Variants in IL2RA observed in about 807,000 individuals in gnomAD.
The protein encoded by IL2RA is interleukin-2 receptor subunit alpha.
In IL2RA, 24 loss-of-function variants were observed where a neutral mutation model predicts 37.8. The ratio of observed to expected loss-of-function variants is 0.63; its 90% CI spans 0.46 to 0.89. The LOEUF is 0.89. Ranked by LOEUF, IL2RA falls within the 40% of genes least tolerant of loss-of-function variation. The pLI, the probability that IL2RA is intolerant of heterozygous loss-of-function variation, is 0.00. For synonymous variants in IL2RA, 125 were observed against 114.6 expected, an observed-to-expected ratio of 1.09 and a Z score of -0.58; for missense variants, 319 against 348.6, an observed-to-expected ratio of 0.92 and a Z score of 0.68.
chr10:6,019,889 G>A lies in IL2RA; in HGVS notation c.636C>T (p.Ser212=). Residue 212 remains serine (S), a synonymous_variant, in exon 5 of 8, where the codon TCC becomes TCT. Transcript: ENST00000379959. ...CCGCACCTGTTGTTGTGACGAGGCA[G>A]GAAGTCTCACTCTCAGGACGGCCTT... ...SPEGRPESET[S]CLVTTTDFQI... The A allele has an allele frequency of 6.2e-7, 1 of 1,614,164 alleles. No homozygotes were observed. The highest frequency in any genetic ancestry group is 8.5e-7 in the Non-Finnish European group (1 of 1,179,988).
chr10:6,059,577 A>G (rs1259183101), intron 1 of IL2RA, among the ~76,000 whole-genome samples: 1 of 152,210 alleles, frequency 6.6e-6, no homozygotes, highest in Non-Finnish European at 1.5e-5. Context: ...CAATATACAG[A>G]CTAAAAATGC....
intron 1 of IL2RA, among the ~76,000 whole-genome samples, chr10:6,031,947 G>A (rs1034743434): frequency 6.6e-6 from 1 of 152,110 alleles, no homozygotes; most frequent in Non-Finnish European, 1.5e-5. Context: ...TGATATTCAG[G>A]CTTTCTATAA....
Position 6,054,531 on chromosome 10 carries a change from G to GCA in IL2RA, c.64+7555_64+7556dup, listed in dbSNP as rs201450448. ...CGAGAATCTGAGACTCATTTGCTTG[G>GCA]CACACACACACAAAACTTCATGTAT... On this transcript the variant is annotated intron_variant, in intron 1 of 7. Coordinates refer to ENST00000379959, the MANE Select transcript of IL2RA (RefSeq NM_000417.3). The surrounding 1 kb of genome is among the most constrained non-coding windows in gnomAD (Gnocchi z 4.5). 7.2e-3 allele frequency among the ~76,000 whole-genome samples: 1,098 copies of GCA among 152,130 alleles called. 11 individuals are homozygous for GCA. Among genetic ancestry groups the GCA allele is most frequent in the Non-Finnish European group, 0.01 (703 of 67,998 alleles).
Position 6,025,729 on chromosome 10 carries a change from G to T in IL2RA, c.256+105C>A. On this transcript the variant is annotated intron_variant, in intron 2 of 7. Transcript: ENST00000379959. This position sits in a 1 kb window ranked among gnomAD's most constrained non-coding sequence, Gnocchi z 4.4. ...CTAAAATTAGTTATCCTGTAGACTG[G>T]ACTGGCCCATTTGTGTCTATAGGGC... 9.5e-7 allele frequency: 1 copy of T among 1,052,784 alleles called. No individual in the cohort carries two copies. The highest frequency in any genetic ancestry group is 1.5e-6 in the Non-Finnish European group (1 of 677,534). 65.2% of individuals were successfully genotyped at this position (1,052,784 alleles called of 1,614,324 possible).
At chr10:6,051,218 C>G (rs917700694) in intron 1 of IL2RA, among the ~76,000 whole-genome samples, 1 of 152,166 alleles carries the variant, frequency 6.6e-6, no homozygotes, top group African/African-American at 2.4e-5. Context: ...GTTGCAGGCT[C>G]TGCCTGGTTT....
At position 6,021,571 on chromosome 10, in the gene IL2RA, C is replaced by T; in HGVS notation, c.490G>A (p.Ala164Thr). ...TGGGTCATTTTGCAGACGCTCTCAG[C>T]AGGACCTCTGTGTAGAGCCCTGTAT... ...QGYRALHRGP[A>T]ESVCKMTHGK... Residue 164 changes from alanine (A) to threonine (T), a missense_variant, in exon 4 of 8, where the codon GCT (alanine) becomes ACT (threonine). By Grantham distance (58) the Ala-to-Thr change is moderately conservative (BLOSUM62 0). Transcript: ENST00000379959. This position sits in a 1 kb window ranked among gnomAD's most constrained non-coding sequence, Gnocchi z 4.9. The T allele has an allele frequency of 1.2e-6, 2 of 1,614,184 alleles. No individual in the cohort carries two copies. The highest frequency in any genetic ancestry group is 1.7e-5 in the Admixed American group (1 of 60,018).
rs1290390565 is a variant in IL2RA, at chr10:6,035,527, A to C, written c.65-9502T>G. Among the ~76,000 whole-genome samples the C allele has an allele frequency of 1.3e-5, 2 of 152,114 alleles. No homozygotes were observed. The highest frequency in any genetic ancestry group is 1.3e-4 in the Admixed American group (2 of 15,284). On this transcript the variant is annotated intron_variant, in intron 1 of 7. Coordinates refer to ENST00000379959, the MANE Select transcript of IL2RA (RefSeq NM_000417.3). The surrounding 1 kb of genome is among the most constrained non-coding windows in gnomAD (Gnocchi z 5.4). ...GCACATGAGGCTCTGAGCAGGCTAT[A>C]TCTCTATTCTGGCAATAAAAGTACT...
Position 6,028,539 on chromosome 10 carries a change from T to C in IL2RA, c.65-2514A>G, listed in dbSNP as rs1408045877. On this transcript the variant is annotated intron_variant, in intron 1 of 7. Coordinates refer to ENST00000379959, the MANE Select transcript of IL2RA (RefSeq NM_000417.3). The surrounding 1 kb of genome is among the most constrained non-coding windows in gnomAD (Gnocchi z 4.1). The stretch of plus-strand genomic sequence containing the variant: ...CAAGAGGATGCGCTAGTCATTTAAC[T>C]GCCTGGCAGAGCAAAATGCATTACC... Among the ~76,000 whole-genome samples, 1 of 152,218 alleles carries C rather than the reference T, an allele frequency of 6.6e-6. No individual in the cohort carries two copies. The highest frequency in any genetic ancestry group is 6.5e-5 in the Admixed American group (1 of 15,274).
intron 1 of IL2RA, among the ~76,000 whole-genome samples, chr10:6,051,004 G>A (rs868780902): frequency 3.9e-5 from 6 of 151,940 alleles, no homozygotes; most frequent in East Asian, 1.9e-4. Flanking sequence ...CCACCTGGGC[G>A]TCAGACAGAT....
At chr10:6,019,171 TCTACCAAC>T (rs1334970489) in intron 6 of IL2RA, among the ~76,000 whole-genome samples, 1 of 150,222 alleles carries the variant, frequency 6.7e-6, no homozygotes, top group Non-Finnish European at 1.5e-5. Context: ...AACCTGCCAA[TCTACCAAC>T]CTACCAACCA....
At chr10:6,026,355 A>C (rs953328950) in intron 1 of IL2RA, among the ~76,000 whole-genome samples, 2 of 152,264 alleles carry the variant, frequency 1.3e-5, no homozygotes, top group African/African-American at 4.8e-5. Context: ...TGAAGAAAGG[A>C]AGAAGCAAAG....
In IL2RA at chr10:6,044,720, A is replaced by G. The variant is rs984690266; in HGVS notation, c.64+17368T>C. Among the ~76,000 whole-genome samples the G allele has an allele frequency of 9.9e-5, 15 of 152,196 alleles. No individual in the cohort carries two copies. The highest frequency in any genetic ancestry group is 3.9e-4 in the Admixed American group (6 of 15,286). On this transcript the variant is annotated intron_variant, in intron 1 of 7. Coordinates refer to ENST00000379959, the MANE Select transcript of IL2RA (RefSeq NM_000417.3). This position sits in a 1 kb window ranked among gnomAD's most constrained non-coding sequence, Gnocchi z 4.5. ...ACAGAGATATAAAATTTATGTATGC[A>G]TGTGACCAGAGGAAAAAATAAGACA...
rs1840053498 is a variant in IL2RA at position 6,056,825 on chromosome 10, C to G, written c.64+5263G>C. On this transcript the variant is annotated intron_variant, in intron 1 of 7. Transcript: ENST00000379959. This position sits in a 1 kb window ranked among gnomAD's most constrained non-coding sequence, Gnocchi z 5.0. ...TAGAGAAGAGAAACAGGTTCCCACTCATGTAAAACTTCTCCCATGGGAGAC... is the reference window on the plus strand; with the variant it reads ...TAGAGAAGAGAAACAGGTTCCCACTGATGTAAAACTTCTCCCATGGGAGAC... Among the ~76,000 whole-genome samples the G allele has an allele frequency of 6.6e-6, 1 of 152,172 alleles. No homozygotes were observed. The highest frequency in any genetic ancestry group is 2.4e-5 in the African/African-American group (1 of 41,432).
rs976649177 is a variant in IL2RA, at chr10:6,031,488, A to G, written c.65-5463T>C. 1.4e-3 allele frequency among the ~76,000 whole-genome samples: 41 copies of G among 29,046 alleles called. 3 individuals carry two copies. The highest frequency in any genetic ancestry group is 6.7e-3 in the South Asian group (5 of 750). The allele number at this position is 29,046 out of a possible 152,430, so 19.1% of individuals were successfully genotyped here. On this transcript the variant is annotated intron_variant, in intron 1 of 7. Coordinates refer to ENST00000379959, the MANE Select transcript of IL2RA (RefSeq NM_000417.3). ...TATATATATATATATATATATATAT[A>G]TATATGTATATATATATATATATGT...
Position 6,020,716 on chromosome 10 carries a change from A to G in IL2RA, c.583+762T>C, listed in dbSNP as rs1288187654. On this transcript the variant is annotated intron_variant, in intron 4 of 7. Coordinates refer to ENST00000379959, the MANE Select transcript of IL2RA (RefSeq NM_000417.3). This position sits in a 1 kb window ranked among gnomAD's most constrained non-coding sequence, Gnocchi z 5.6. ...CCCAGATAATTTTTGTATTTTTAGT[A>G]GAGACGGGGTTTCACCATGTTGGCC... 1.3e-5 allele frequency among the ~76,000 whole-genome samples: 2 copies of G among 152,060 alleles called. No individual in the cohort carries two copies. The highest frequency in any genetic ancestry group is 1.3e-4 in the Admixed American group (2 of 15,268).
In IL2RA at chr10:6,011,811, G is replaced by A. The variant is rs55885853; in HGVS notation, c.*1061C>T. The stretch of plus-strand genomic sequence containing the variant: ...CCGCCTTGGTCTCCTAGGGAGCTGG[G>A]GTTATAGGCCTGAGCCACCGTGCCA... On this transcript the variant is annotated 3_prime_UTR_variant, in exon 8 of 8. Transcript: ENST00000379959. The surrounding 1 kb of genome is among the most constrained non-coding windows in gnomAD (Gnocchi z 5.2). The A allele has an allele frequency of 3.9e-3, 598 of 152,574 alleles. 5 individuals are homozygous for A. The highest frequency in any genetic ancestry group is 6.7e-3 in the Middle Eastern group (2 of 298). 9.5% of individuals were successfully genotyped at this position (152,574 alleles called of 1,614,324 possible). A position where few individuals can be genotyped will look rare whatever the true frequency, so the allele number is the denominator to read the frequency against.
In IL2RA at chr10:6,048,444, C is replaced by T. The variant is rs894289857; in HGVS notation, c.64+13644G>A. ...CTGAGCAGCCTGTGAGGCATCCACA[C>T]GGAAAGGTCCGAGGGAAGGGCCTTT... is the stretch of plus-strand genomic sequence containing the variant. On this transcript the variant is annotated intron_variant, in intron 1 of 7. Coordinates refer to ENST00000379959, the MANE Select transcript of IL2RA (RefSeq NM_000417.3). The surrounding 1 kb of genome is among the most constrained non-coding windows in gnomAD (Gnocchi z 5.3). Among the ~76,000 whole-genome samples, 16 of 152,266 alleles carry T rather than the reference C, an allele frequency of 1.1e-4. No homozygotes were observed. Among genetic ancestry groups the T allele is most frequent in the East Asian group, 3.9e-4 (2 of 5,186 alleles).
intron 2 of IL2RA, among the ~76,000 whole-genome samples, chr10:6,024,796 A>G (rs960773510): frequency 1.3e-5 from 2 of 152,206 alleles, no homozygotes; most frequent in African/African-American, 4.8e-5. Context: ...GGCTGTTCAG[A>G]ATGCTTGAAG....
At chr10:6,050,704 A>G (rs1019388924) in intron 1 of IL2RA, among the ~76,000 whole-genome samples, 8 of 152,234 alleles carry the variant, frequency 5.3e-5, no homozygotes, top group African/African-American at 1.9e-4. Flanking sequence ...TATGGTGGCC[A>G]TGAGGAATCT....
Sources: gnomAD v4.1 joint callset for allele counts (sites outside exome capture counted in the v4.1 genomes callset) on GRCh38, gnomAD v4.1.1 for gene constraint, Gnocchi (gnomAD v3.1) non-coding constraint, MANE v1.5 for transcripts, NCBI Gene and HGNC (gene_info 2026-07-23, HGNC 2026-07-21) for gene names.